Variants in ARID5B observed in about 807,000 individuals in gnomAD.
The protein encoded by ARID5B is AT-rich interaction domain 5B, also known as AT-rich interactive domain-containing protein 5B.
In ARID5B, 13 loss-of-function variants were observed where a neutral mutation model predicts 97.2. That is an observed-to-expected ratio of 0.13 (90% confidence interval 0.09 to 0.21). ARID5B has a LOEUF of 0.21. Among genes scored for constraint, ARID5B ranks in the 10% least tolerant of loss-of-function variants. The probability of loss-of-function intolerance (pLI) is 1.00; values close to 1 mark genes in which losing one functional copy is unlikely to be tolerated. For missense variants in ARID5B, 1,210 were observed against 1,465.3 expected, an observed-to-expected ratio of 0.83 and a Z score of 2.84; for synonymous variants, 556 against 570.3, an observed-to-expected ratio of 0.97 and a Z score of 0.36.
chr10:61,959,350 G>A (rs1224218863), intron 3 of ARID5B, among the ~76,000 whole-genome samples: 2 of 152,108 alleles, frequency 1.3e-5, no homozygotes, highest in East Asian at 3.9e-4. Context: ...CTCTGTCTGG[G>A]GAGTGAAGGT....
chr10:61,936,209 T>C (rs1844296711), intron 2 of ARID5B, among the ~76,000 whole-genome samples: 1 of 152,214 alleles, frequency 6.6e-6, no homozygotes, highest in African/African-American at 2.4e-5. Flanking sequence ...TATGTTCAAA[T>C]TGGCCCTTTT....
chr10:61,996,895 A>T (rs3050508), intron 3 of ARID5B, among the ~76,000 whole-genome samples: 81,208 of 145,878 alleles, frequency 0.56, 22,912 homozygotes, highest in East Asian at 0.71. Context: ...GAAAAAAAAA[A>T]ATATATATAT....
intron 4 of ARID5B, among the ~76,000 whole-genome samples, chr10:62,008,039 C>G: frequency 7.4e-6 from 1 of 135,848 alleles, no homozygotes; most frequent in Non-Finnish European, 1.6e-5. Context: ...CCCGCCCCCT[C>G]CACCCACCTC....
intron 4 of ARID5B, among the ~76,000 whole-genome samples, chr10:62,012,274 A>T (rs561241420): frequency 6.6e-6 from 1 of 152,236 alleles, no homozygotes; most frequent in South Asian, 2.1e-4. Flanking sequence ...TAACCTCAGC[A>T]CTTTGAGAGG....
At position 62,086,709 on chromosome 10, in the gene ARID5B, A is replaced by AAAAAAAAAC. The variant is rs778821864; in HGVS notation, c.1398+812_1398+813insAAAAACAAA. On this transcript the variant is annotated intron_variant, in intron 9 of 9. Coordinates refer to ENST00000279873, the MANE Select transcript of ARID5B (RefSeq NM_032199.3). ...CCATCTCAAAAAAAAAAAAAAAAAA[A>AAAAAAAAAC]AAATATCAGGCATGGTGGTGCCCCG... Among the ~76,000 whole-genome samples, 23 of 114,040 alleles carry AAAAAAAAAC rather than the reference A, an allele frequency of 2.0e-4. 1 individual carries two copies. The highest frequency in any genetic ancestry group is 2.9e-4 in the South Asian group (1 of 3,464). 74.8% of individuals were successfully genotyped at this position (114,040 alleles called of 152,430 possible).
intron 3 of ARID5B, among the ~76,000 whole-genome samples, chr10:61,974,939 C>T (rs541799962): frequency 6.7e-6 from 1 of 148,906 alleles, no homozygotes; most frequent in South Asian, 2.1e-4. Context: ...CAGATATGTG[C>T]TCTAACTGCT....
At chr10:62,032,193 C>T (rs1012936048) in intron 4 of ARID5B, among the ~76,000 whole-genome samples, 5 of 152,078 alleles carry the variant, frequency 3.3e-5, no homozygotes, top group African/African-American at 1.2e-4. Context: ...GTGGCACACA[C>T]CTATAGTCCC....
intron 1 of ARID5B, among the ~76,000 whole-genome samples, 182 bp from the exon 2 acceptor site, chr10:61,901,977 T>G (rs1414136833): frequency 2.3e-5 from 3 of 129,140 alleles, no homozygotes; most frequent in African/African-American, 7.6e-5. Flanking sequence ...CCCTGAGTTT[T>G]TTTTTTTTTT....
chr10:61,936,896 C>CTGAA (rs75152063), intron 2 of ARID5B, among the ~76,000 whole-genome samples: 23,773 of 150,860 alleles, frequency 0.16, 2,574 homozygotes, highest in Non-Finnish European at 0.24. Context: ...TACAAGGAGG[C>CTGAA]TGAAGAAGTT....
At chr10:62,076,366 C>A (rs1840134143) in intron 8 of ARID5B, among the ~76,000 whole-genome samples, 1 of 152,002 alleles carries the variant, frequency 6.6e-6, no homozygotes, top group African/African-American at 2.4e-5. Context: ...CATGGTAAAA[C>A]CCTGCCTCTA....
chr10:62,002,363 C>G (rs1177970057), intron 4 of ARID5B, among the ~76,000 whole-genome samples: 1 of 152,144 alleles, frequency 6.6e-6, no homozygotes, highest in East Asian at 1.9e-4. Context: ...TGTTTTTCTT[C>G]TCCAGCCTCT....
intron 2 of ARID5B, among the ~76,000 whole-genome samples, chr10:61,915,029 G>A (rs1442942365): frequency 1.3e-5 from 2 of 152,202 alleles, no homozygotes; most frequent in Non-Finnish European, 2.9e-5. Context: ...TTCTTTAATT[G>A]AGTCTTTATG....
At chr10:61,919,602 G>T (rs1023925071) in intron 2 of ARID5B, among the ~76,000 whole-genome samples, 1 of 152,232 alleles carries the variant, frequency 6.6e-6, no homozygotes, top group African/African-American at 2.4e-5. Context: ...AAACACTGCT[G>T]TAGTACTCAG....
chr10:62,035,966 A>G (rs1401009395), intron 4 of ARID5B, among the ~76,000 whole-genome samples: 2 of 151,752 alleles, frequency 1.3e-5, no homozygotes, highest in East Asian at 1.9e-4. Context: ...GTGGGATTAC[A>G]GGCGCCCGCC....
intron 3 of ARID5B, among the ~76,000 whole-genome samples, chr10:61,974,979 A>G (rs1838680104): frequency 6.6e-6 from 1 of 151,240 alleles, no homozygotes; most frequent in African/African-American, 2.5e-5. Flanking sequence ...TCGAAGGAAT[A>G]ATAGCATTGT....
At chr10:61,968,885 G>A (rs1037612391) in intron 3 of ARID5B, among the ~76,000 whole-genome samples, 5 of 152,140 alleles carry the variant, frequency 3.3e-5, no homozygotes, top group Non-Finnish European at 7.4e-5. Context: ...CTATTTATAG[G>A]CTCCATATGG....
intron 3 of ARID5B, among the ~76,000 whole-genome samples, chr10:61,967,060 T>C (rs909408522): frequency 6.6e-6 from 1 of 152,166 alleles, no homozygotes; most frequent in Non-Finnish European, 1.5e-5. Flanking sequence ...GATTGCATTT[T>C]CCGTTACTAG....
At chr10:61,950,313 T>A (rs959963095) in intron 3 of ARID5B, among the ~76,000 whole-genome samples, 9 of 152,156 alleles carry the variant, frequency 5.9e-5, no homozygotes, top group Admixed American at 3.3e-4. Flanking sequence ...GCCCGGACCA[T>A]CATGGTCTTT....
At chr10:62,046,905 T>C (rs1261832086) in intron 4 of ARID5B, 4 of 152,252 alleles carry the variant, frequency 2.6e-5, no homozygotes. Flanking sequence ...ACCCTCGTGC[T>C]ATGTAGTACT....
Sources: allele counts gnomAD v4.1 joint callset (sites outside exome capture counted in the v4.1 genomes callset), GRCh38; gene constraint gnomAD v4.1.1; transcripts MANE v1.5; gene names NCBI Gene and HGNC (gene_info 2026-07-23, HGNC 2026-07-21).